SPANXN2: variants seen among roughly 807,000 people sequenced by gnomAD.
SPANXN2 encodes sperm protein associated with the nucleus on the X chromosome N2.
SPANXN2 carries 1 observed loss-of-function variant against 2.0 expected under a neutral mutation model. The observed-to-expected ratio is 0.50, with a 90% confidence interval of 0.18 to 2.36. The LOEUF is 2.36. Ranked by LOEUF, SPANXN2 falls within the 30% of genes most tolerant of loss-of-function variation. The pLI is 0.26. For synonymous variants in SPANXN2, 43 were observed against 49.8 expected (o/e 0.86, Z 0.58); for missense variants, 88 against 116.7 (o/e 0.75, Z 1.13).
intron 1 of SPANXN2, among the ~76,000 whole-genome samples, chrX:143,716,443 CGT>C (rs1932266848): frequency 9.0e-6 from 1 of 111,207 alleles, no homozygotes; most frequent in Non-Finnish European, 1.9e-5. Flanking sequence ...AGCCACTATA[CGT>C]AGCCTCACAT....
chrX:143,714,673 C>T (rs1358295096), intron 1 of SPANXN2, among the ~76,000 whole-genome samples: 2 of 111,861 alleles, frequency 1.8e-5, no homozygotes, highest in African/African-American at 3.2e-5. Flanking sequence ...CCACCTTAAG[C>T]CCTAATACCA....
At chrX:143,717,304 T>C (rs1390942800) in intron 1 of SPANXN2, among the ~76,000 whole-genome samples, 1 of 111,796 alleles carries the variant, frequency 8.9e-6, no homozygotes, top group Non-Finnish European at 1.9e-5. Flanking sequence ...GGAACCCCCA[T>C]AAGAAATGGC....
intron 1 of SPANXN2, 24 bp from the exon 2 acceptor site, chrX:143,712,523 C>A: frequency 8.4e-7 from 1 of 1,188,116 alleles, no homozygotes; most frequent in African/African-American, 1.8e-5. Context: ...AGGGAGAGGC[C>A]AGAAAGTCAT....
intron 1 of SPANXN2, among the ~76,000 whole-genome samples, chrX:143,713,911 C>CTT (rs1371917536): frequency 1.3e-4 from 14 of 107,124 alleles, no homozygotes; most frequent in African/African-American, 4.1e-4. Context: ...CTCTCTCTCT[C>CTT]TCTCTCTCTC....
At chrX:143,714,736 C>T (rs1932229086) in intron 1 of SPANXN2, among the ~76,000 whole-genome samples, 1 of 112,049 alleles carries the variant, frequency 8.9e-6, no homozygotes, top group African/African-American at 3.2e-5. Flanking sequence ...CAGACCCAGA[C>T]ATTTGAAAAA....
rs370209910 is a variant in SPANXN2 at position 143,717,868 on chromosome X, C to T, written c.78+2723G>A. ...CCCCAGAAAGTGATTCCTATACATT[C>T]TAACAATAGTAGATACATTCTCTGG... On this transcript the variant is annotated intron_variant, in intron 1 of 1. Transcript: ENST00000598475. Among the ~76,000 whole-genome samples the T allele has an allele frequency of 7.2e-5, 8 of 111,796 alleles. No individual in the cohort carries two copies. In the East Asian group the frequency reaches 1.1e-3, roughly 16 times the overall value.
chrX:143,716,270 C>T (rs1327945299), intron 1 of SPANXN2, among the ~76,000 whole-genome samples: 2 of 111,173 alleles, frequency 1.8e-5, no homozygotes, highest in South Asian at 3.9e-4. Flanking sequence ...AGTTACTTAC[C>T]TTGGGTTTGT....
intron 1 of SPANXN2, among the ~76,000 whole-genome samples, chrX:143,714,624 G>A (rs1311957984): frequency 9.0e-6 from 1 of 111,728 alleles, no homozygotes; most frequent in Non-Finnish European, 1.9e-5. Context: ...GTCCCTGCTC[G>A]TTTCCTCTCC....
chrX:143,716,646 A>G lies in SPANXN2; in HGVS notation c.78+3945T>C, dbSNP rs1932270939. On this transcript the variant is annotated intron_variant, in intron 1 of 1. Coordinates refer to ENST00000598475, the Ensembl canonical transcript of SPANXN2. The stretch of plus-strand genomic sequence containing the variant: ...AACATATGGCAACGCCCCAGAAGCC[A>G]TTGCACGCCTCTCAAAACAACTGGA... 5.4e-5 allele frequency among the ~76,000 whole-genome samples: 6 copies of G among 112,130 alleles called. No individual in the cohort carries two copies. In the Admixed American group the frequency reaches 5.7e-4, roughly 11 times the overall value.
At chrX:143,715,466 T>G (rs1305880437) in intron 1 of SPANXN2, among the ~76,000 whole-genome samples, 7 of 110,202 alleles carry the variant, frequency 6.4e-5, no homozygotes, top group African/African-American at 2.3e-4. Context: ...TCTACCCCTT[T>G]TATTTTACTC....
chrX:143,720,529 C>T (rs1487553433), intron 1 of SPANXN2, 62 bp downstream of exon 1: 22 of 1,139,222 alleles, frequency 1.9e-5, no homozygotes, highest in Admixed American at 1.6e-4. Flanking sequence ...CTGTTTGAGC[C>T]GTCCCTTCTC....
Position 143,719,687 on chromosome X carries a change from T to G in SPANXN2, c.78+904A>C, listed in dbSNP as rs782217356. Among the ~76,000 whole-genome samples, 3 of 111,382 alleles carry G rather than the reference T, an allele frequency of 2.7e-5. 1 individual carries two copies. Among genetic ancestry groups the G allele is most frequent in the Admixed American group, 9.6e-5 (1 of 10,458 alleles). ...TGTTTCAATCTAAACATTAACACTTTGCCTAACAAGCAGACCATCCAGGTT... is the reference window on the plus strand; with the variant it reads ...TGTTTCAATCTAAACATTAACACTTGGCCTAACAAGCAGACCATCCAGGTT... On this transcript the variant is annotated intron_variant, in intron 1 of 1. Transcript: ENST00000598475.
At chrX:143,720,362 C>G (rs1299666514) in intron 1 of SPANXN2, among the ~76,000 whole-genome samples, 1 of 99,119 alleles carries the variant, frequency 1.0e-5, no homozygotes, top group Non-Finnish European at 2.0e-5. Flanking sequence ...ACAGCCTGAT[C>G]ATAAAAACAT....
intron 1 of SPANXN2, among the ~76,000 whole-genome samples, chrX:143,714,085 C>T (rs782243233): frequency 1.1e-3 from 124 of 109,738 alleles, no homozygotes; most frequent in African/African-American, 3.9e-3. Flanking sequence ...CCTTCTCCTT[C>T]GGATCCGGCT....
At position 143,714,102 on chromosome X, in the gene SPANXN2, C is replaced by T. The variant is rs1186683266; in HGVS notation, c.79-1603G>A. Among the ~76,000 whole-genome samples the T allele has an allele frequency of 7.3e-5, 8 of 109,754 alleles. No individual in the cohort carries two copies. The Admixed American group carries it at 7.8e-4, about 11-fold the overall frequency. ...TTCTCCTTCGGATCCGGCTCCTCCA[C>T]CCCCTTACTGTCGCCCTCCATCCCC... is the stretch of plus-strand genomic sequence containing the variant. On this transcript the variant is annotated intron_variant, in intron 1 of 1. Coordinates refer to ENST00000598475, the Ensembl canonical transcript of SPANXN2.
chrX:143,715,148 C>T (rs1556449355), intron 1 of SPANXN2, among the ~76,000 whole-genome samples: 3 of 111,586 alleles, frequency 2.7e-5, no homozygotes, highest in African/African-American at 9.8e-5. Context: ...CTACTGCCAT[C>T]ACCACCTCGG....
chrX:143,717,303 A>G (rs1435891232), intron 1 of SPANXN2, among the ~76,000 whole-genome samples: 1 of 112,105 alleles, frequency 8.9e-6, no homozygotes, highest in African/African-American at 3.2e-5. Flanking sequence ...AGGAACCCCC[A>G]TAAGAAATGG....
intron 1 of SPANXN2, among the ~76,000 whole-genome samples, chrX:143,713,941 C>T (rs1932212797): frequency 9.5e-6 from 1 of 105,169 alleles, no homozygotes; most frequent in Non-Finnish European, 1.9e-5. Flanking sequence ...CAATCTTGTT[C>T]ACCTTTTCAA....
At chrX:143,713,771 A>G in intron 1 of SPANXN2, among the ~76,000 whole-genome samples, 1 of 110,757 alleles carries the variant, frequency 9.0e-6, no homozygotes, top group Non-Finnish European at 1.9e-5. Flanking sequence ...CATCCAGAGT[A>G]TTCACTCCCC....
Sources: allele counts gnomAD v4.1 joint callset (sites outside exome capture counted in the v4.1 genomes callset), GRCh38; gene constraint gnomAD v4.1.1; transcripts MANE v1.5; gene names NCBI Gene and HGNC (gene_info 2026-07-23, HGNC 2026-07-21).